The following AATK variants were observed in gnomAD, a reference collection of about 807,000 sequenced individuals.
The protein encoded by AATK is serine/threonine-protein kinase LMTK1.
In AATK, 91 loss-of-function variants were observed where a neutral mutation model predicts 114.3. That is an observed-to-expected ratio of 0.80 (90% confidence interval 0.67 to 0.95). The LOEUF (loss-of-function observed/expected upper bound fraction) is 0.95, where lower values mean the gene tolerates loss of function less well. Ranked by LOEUF, AATK falls within the 40% of genes least tolerant of loss-of-function variation. The pLI, the probability that AATK is intolerant of heterozygous loss-of-function variation, is 0.00. For missense variants in AATK, 2,176 were observed against 1,965.2 expected (o/e 1.11, Z -2.03); for synonymous variants, 1,075 against 916.5 (o/e 1.17, Z -3.12).
chr17:81,127,509 C>G, intron 6 of AATK, 74 bp downstream of exon 6: 1 of 1,436,794 alleles, frequency 7.0e-7, no homozygotes, highest in Non-Finnish European at 9.6e-7. Flanking sequence ...GAGGGGGTGG[C>G]ACCAGACACT....
chr17:81,134,325 C>G (rs2146335499), intron 2 of AATK, 43 bp downstream of exon 2: 1 of 1,609,454 alleles, frequency 6.2e-7, no homozygotes, highest in East Asian at 2.2e-5. Context: ...ACAGGCCTTG[C>G]CTGCGGGATC....
intron 9 of AATK, among the ~76,000 whole-genome samples, chr17:81,124,400 C>T (rs2060763052): frequency 6.6e-6 from 1 of 152,184 alleles, no homozygotes; most frequent in Admixed American, 6.5e-5. Context: ...GTGAAGGCAG[C>T]CAACACCCCA....
intron 2 of AATK, 21 bp from the exon 3 acceptor site, chr17:81,131,226 G>A (rs1294765882): frequency 3.8e-6 from 6 of 1,558,520 alleles, no homozygotes; most frequent in African/African-American, 2.7e-5. Context: ...GGCCGGGCAT[G>A]AGCGGGGCTT....
chr17:81,150,397 C>T (rs1567824930), intron 1 of AATK, among the ~76,000 whole-genome samples: 1 of 146,880 alleles, frequency 6.8e-6, no homozygotes, highest in Non-Finnish European at 1.5e-5. Flanking sequence ...GTGCTCCCAC[C>T]CCATCCTAGG....
chr17:81,159,413 C>T (rs1000099430), intron 1 of AATK, among the ~76,000 whole-genome samples: 20 of 152,222 alleles, frequency 1.3e-4, no homozygotes, highest in African/African-American at 2.9e-4. Flanking sequence ...TGCTGCCGCG[C>T]GGGTAAATCC....
intron 1 of AATK, among the ~76,000 whole-genome samples, chr17:81,147,764 A>T (rs2061241394): frequency 6.6e-6 from 1 of 152,164 alleles, no homozygotes; most frequent in African/African-American, 2.4e-5. Context: ...CAAAGAAAAG[A>T]AGGTGTTTTA....
intron 1 of AATK, 21 bp downstream of exon 1, chr17:81,165,917 G>A (rs773136326): frequency 8.3e-6 from 13 of 1,569,950 alleles, no homozygotes; most frequent in South Asian, 8.2e-5. Flanking sequence ...CGGCGCGCAG[G>A]CCGGGCCGCC....
Position 81,138,950 on chromosome 17 carries a change from AC to A in AATK, c.56-4450del, listed in dbSNP as rs113336319. 3.6e-3 allele frequency among the ~76,000 whole-genome samples: 517 copies of A among 142,764 alleles called. 3 individuals carry two copies. Among genetic ancestry groups the A allele is most frequent in the African/African-American group, 0.012 (464 of 37,282 alleles). 93.7% of individuals were successfully genotyped at this position (142,764 alleles called of 152,430 possible). ...CACGTGTAGGCACACACACATGCAC[AC>A]CCCCCACACGTGCGCGCGCACCCAC... On this transcript the variant is annotated intron_variant, in intron 1 of 13. Coordinates refer to ENST00000326724, the MANE Select transcript of AATK (RefSeq NM_001080395.3).
At chr17:81,142,096 C>T (rs1175937726) in intron 1 of AATK, among the ~76,000 whole-genome samples, 8 of 151,960 alleles carry the variant, frequency 5.3e-5, no homozygotes, top group African/African-American at 1.7e-4. Flanking sequence ...GCTGGGATTA[C>T]AGGCACCTGC....
intron 1 of AATK, among the ~76,000 whole-genome samples, chr17:81,140,753 G>A: frequency 1.2e-5 from 1 of 83,482 alleles, no homozygotes; most frequent in Non-Finnish European, 2.6e-5. Context: ...AGACCGTGGG[G>A]CCGTGAGCCG....
intron 1 of AATK, among the ~76,000 whole-genome samples, chr17:81,134,919 G>GTTTT (rs2060987358): frequency 6.6e-6 from 1 of 152,216 alleles, no homozygotes; most frequent in Non-Finnish European, 1.5e-5. Context: ...CATGTTGCTG[G>GTTTT]CTGCTATCTG....
chr17:81,145,089 C>T (rs1008568642), intron 1 of AATK, among the ~76,000 whole-genome samples: 3 of 152,110 alleles, frequency 2.0e-5, no homozygotes, highest in Non-Finnish European at 4.4e-5. Context: ...ACAAATTAGC[C>T]AGGTGTGGTG....
intron 1 of AATK, among the ~76,000 whole-genome samples, chr17:81,145,078 C>A (rs2061196497): frequency 6.6e-6 from 1 of 151,984 alleles, no homozygotes. Context: ...ACTAAAAACA[C>A]ACAAATTAGC....
chr17:81,118,783 C>T (rs370440747), intron 13 of AATK, among the ~76,000 whole-genome samples: 2 of 152,354 alleles, frequency 1.3e-5, no homozygotes, highest in African/African-American at 4.8e-5. Context: ...GTGAGGCTGA[C>T]AGGCCCTTCC....
At chr17:81,143,081 C>T (rs533869803) in intron 1 of AATK, among the ~76,000 whole-genome samples, 44 of 152,236 alleles carry the variant, frequency 2.9e-4, no homozygotes, top group African/African-American at 7.7e-4. Flanking sequence ...TGCTGCCGTC[C>T]GCAGCGTTGC....
intron 1 of AATK, among the ~76,000 whole-genome samples, chr17:81,161,329 T>A (rs1320799320): frequency 1.3e-5 from 2 of 152,118 alleles, no homozygotes; most frequent in Non-Finnish European, 2.9e-5. Flanking sequence ...GCACGTGGCC[T>A]CCTTCCCGCG....
intron 1 of AATK, among the ~76,000 whole-genome samples, chr17:81,149,980 C>T (rs2061274198): frequency 6.6e-6 from 1 of 152,036 alleles, no homozygotes; most frequent in South Asian, 2.1e-4. Flanking sequence ...CAAGTGAGTC[C>T]TCATGCTGCC....
Position 81,140,740 on chromosome 17 carries a change from G to A in AATK, c.56-6239C>T, listed in dbSNP as rs549404857. Reference sequence around the variant, plus strand: ...CCGTGGGGCTGTGAGCCGTGGGGCCGGGAGACCGTGGGGCCGTGAGCCGTG... The same window carrying A: ...CCGTGGGGCTGTGAGCCGTGGGGCCAGGAGACCGTGGGGCCGTGAGCCGTG... On this transcript the variant is annotated intron_variant, in intron 1 of 13. Transcript: ENST00000326724. Among the ~76,000 whole-genome samples the A allele has an allele frequency of 2.2e-4, 22 of 98,332 alleles. 3 individuals are homozygous for A. The highest frequency in any genetic ancestry group is 1.1e-3 in the South Asian group (3 of 2,688). 64.5% of individuals were successfully genotyped at this position (98,332 alleles called of 152,430 possible).
At position 81,121,203 on chromosome 17, in the gene AATK, T is replaced by TGAGGACGGGATGTCCAGG; in HGVS notation, c.2715_2732dup (p.Leu906_Ser911dup). The TGAGGACGGGATGTCCAGG allele has an allele frequency of 6.2e-7, 1 of 1,604,536 alleles. No homozygotes were observed. Among genetic ancestry groups the TGAGGACGGGATGTCCAGG allele is most frequent in the Non-Finnish European group, 8.5e-7 (1 of 1,176,032 alleles). Reference sequence around the variant, plus strand: ...AGACCTCATAGCCACCATCACTGGCTGAGGACGGGATGTCCAGGGAGTCCA... The same window carrying TGAGGACGGGATGTCCAGG: ...AGACCTCATAGCCACCATCACTGGCTGAGGACGGGATGTCCAGGGAGGACGGGATGTCCAGGGAGTCCA... On this transcript the variant is annotated inframe_insertion, in exon 11 of 14. Coordinates refer to ENST00000326724, the MANE Select transcript of AATK (RefSeq NM_001080395.3).
Sources: gnomAD v4.1 joint callset for allele counts (sites outside exome capture counted in the v4.1 genomes callset) on GRCh38, gnomAD v4.1.1 for gene constraint, MANE v1.5 for transcripts, NCBI Gene and HGNC (gene_info 2026-07-23, HGNC 2026-07-21) for gene names.